Variants in REPS2 observed in about 807,000 individuals in gnomAD.
REPS2 encodes ralBP1-associated Eps domain-containing protein 2.
Under a neutral mutation model 53.6 loss-of-function variants are expected in REPS2, and 23 were observed. The observed-to-expected ratio is 0.43, with a 90% confidence interval of 0.31 to 0.61. The LOEUF (loss-of-function observed/expected upper bound fraction) is 0.61, where lower values mean the gene tolerates loss of function less well. Among genes scored for constraint, REPS2 ranks in the 20% least tolerant of loss-of-function variants. The pLI, the probability that REPS2 is intolerant of heterozygous loss-of-function variation, is 0.11. For synonymous variants in REPS2, 238 were observed against 218.6 expected (o/e 1.09, Z -0.78); for missense variants, 446 against 534.9 (o/e 0.83, Z 1.64).
chrX:16,969,508 C>A lies in REPS2; in HGVS notation c.273+22374C>A, dbSNP rs12157042. 8.1e-3 allele frequency among the ~76,000 whole-genome samples: 848 copies of A among 104,912 alleles called. 19 individuals are homozygous for A. Among genetic ancestry groups the A allele is most frequent in the Middle Eastern group, 0.014 (3 of 207 alleles). The allele number at this position is 104,912 out of a possible 115,157, so 91.1% of individuals were successfully genotyped here. ...GGAGGCCGAGGCTGGCGGATCACTCCCGGTTAGGAGCTGGAGACCAGCCCG... is the reference window on the plus strand; with the variant it reads ...GGAGGCCGAGGCTGGCGGATCACTCACGGTTAGGAGCTGGAGACCAGCCCG... On this transcript the variant is annotated intron_variant, in intron 1 of 17. Coordinates refer to ENST00000357277, the MANE Select transcript of REPS2 (RefSeq NM_004726.3).
At chrX:17,021,634 C>A (rs1417869500) in intron 2 of REPS2, among the ~76,000 whole-genome samples, 1 of 112,570 alleles carries the variant, frequency 8.9e-6, no homozygotes, top group Admixed American at 9.4e-5. Flanking sequence ...ATCCTGGGGA[C>A]ATTACTTAGC....
At chrX:16,960,394 T>C (rs1252017309) in intron 1 of REPS2, among the ~76,000 whole-genome samples, 2 of 111,255 alleles carry the variant, frequency 1.8e-5, no homozygotes, top group Admixed American at 1.9e-4. Flanking sequence ...GAAAAACCCA[T>C]GATCATTTCA....
At chrX:17,057,642 G>A (rs185807424) in intron 8 of REPS2, among the ~76,000 whole-genome samples, 3 of 112,753 alleles carry the variant, frequency 2.7e-5, no homozygotes, top group African/African-American at 9.6e-5. Flanking sequence ...TGCAATTGAG[G>A]AGCATGGGAA....
At chrX:17,006,960 G>C (rs1699471290) in intron 2 of REPS2, among the ~76,000 whole-genome samples, 1 of 112,319 alleles carries the variant, frequency 8.9e-6, no homozygotes, top group Non-Finnish European at 1.9e-5. Flanking sequence ...ACTATTAGCA[G>C]TATTTCTGCT....
the REPS2 span, among the ~76,000 whole-genome samples, chrX:17,159,205 C>A: frequency 8.9e-6 from 1 of 111,784 alleles, no homozygotes; most frequent in Non-Finnish European, 1.9e-5. Context: ...CCAGATGATA[C>A]TTTAGAGACC....
rs111737632 is a variant in REPS2, at chrX:17,010,245, G to A, written c.397+3901G>A. Among the ~76,000 whole-genome samples, 585 of 112,509 alleles carry A rather than the reference G, an allele frequency of 5.2e-3. 3 individuals carry two copies. The highest frequency in any genetic ancestry group is 0.018 in the Middle Eastern group (4 of 218). On this transcript the variant is annotated intron_variant, in intron 2 of 17. Transcript: ENST00000357277. The stretch of plus-strand genomic sequence containing the variant: ...TAAATTAGGTATAAAGCTAATTAAC[G>A]CCCTACGGGGTAATACAAGTGCAGC...
chrX:17,192,629 T>TAACA, the REPS2 span, among the ~76,000 whole-genome samples: 20 of 111,913 alleles, frequency 1.8e-4, no homozygotes, highest in Non-Finnish European at 3.2e-4. Flanking sequence ...ATTTTTGGTC[T>TAACA]AACATTTAGT....
At chrX:17,086,321 G>A (rs1317340667) in intron 13 of REPS2, among the ~76,000 whole-genome samples, 2 of 112,207 alleles carry the variant, frequency 1.8e-5, no homozygotes, top group African/African-American at 6.5e-5. Flanking sequence ...TTTTTGTGGT[G>A]TTTGATTGAT....
intron 8 of REPS2, among the ~76,000 whole-genome samples, chrX:17,056,006 A>T (rs1460307198): frequency 9.0e-6 from 1 of 111,040 alleles, no homozygotes; most frequent in Admixed American, 9.6e-5. Context: ...TAAAAAATAA[A>T]AAAACAAACA....
chrX:17,139,806 C>G (rs1167661801), intron 17 of REPS2, among the ~76,000 whole-genome samples: 12 of 111,032 alleles, frequency 1.1e-4, no homozygotes, highest in Non-Finnish European at 2.1e-4. Flanking sequence ...GTGTCTGTGT[C>G]CAAATTTCTC....
chrX:17,078,362 A>C (rs1397638071), intron 13 of REPS2, among the ~76,000 whole-genome samples: 2 of 112,511 alleles, frequency 1.8e-5, no homozygotes, highest in Non-Finnish European at 3.7e-5. Context: ...GTCTGGGCAG[A>C]GCTCAGCATG....
chrX:16,958,014 C>T (rs898342173), intron 1 of REPS2, among the ~76,000 whole-genome samples: 1 of 112,199 alleles, frequency 8.9e-6, no homozygotes, highest in African/African-American at 3.2e-5. Flanking sequence ...TGTTCACTAT[C>T]ATCCCCATTT....
rs747143943 is a variant in REPS2, at chrX:17,133,947, G to A, written c.1662+40G>A. ...AGGATGCTGTCAGATGGCGTTGCGA[G>A]TCCCACCCCGGGCTTCTTATCTCTA... On this transcript the variant is annotated intron_variant, in intron 15 of 17. Coordinates refer to ENST00000357277, the MANE Select transcript of REPS2 (RefSeq NM_004726.3). 3.9e-6 allele frequency: 4 copies of A among 1,014,485 alleles called. No individual in the cohort carries two copies. The East Asian group carries it at 9.1e-5, about 23-fold the overall frequency. 83.6% of individuals were successfully genotyped at this position (1,014,485 alleles called of 1,213,427 possible).
intron 14 of REPS2, among the ~76,000 whole-genome samples, chrX:17,126,754 G>A (rs1244457435): frequency 3.6e-5 from 4 of 111,527 alleles, no homozygotes; most frequent in African/African-American, 1.3e-4. Context: ...GAACACAGTT[G>A]TGCCCATTCA....
intron 13 of REPS2, among the ~76,000 whole-genome samples, chrX:17,096,143 G>A (rs1156783370): frequency 7.2e-4 from 81 of 111,905 alleles, no homozygotes; most frequent in South Asian, 1.9e-3. Context: ...TTAGTTTAAA[G>A]TGGTCCCAGG....
intron 1 of REPS2, among the ~76,000 whole-genome samples, chrX:16,999,403 T>A (rs1274575206): frequency 3.9e-5 from 4 of 101,858 alleles, no homozygotes; most frequent in Non-Finnish European, 2.0e-5. Flanking sequence ...GCACAGAGTC[T>A]TTTCCTTTTT....
intron 1 of REPS2, among the ~76,000 whole-genome samples, chrX:16,964,616 G>A (rs1181752376): frequency 9.2e-6 from 1 of 109,088 alleles, no homozygotes; most frequent in Non-Finnish European, 1.9e-5. Context: ...CCGGGCAGAG[G>A]CGCCCCTCAC....
At chrX:17,118,089 A>G (rs1235929716) in intron 14 of REPS2, among the ~76,000 whole-genome samples, 2 of 97,493 alleles carry the variant, frequency 2.1e-5, no homozygotes, top group Admixed American at 1.1e-4. Flanking sequence ...CCTCCCAAGT[A>G]GCTGGGACTA....
At chrX:17,127,118 G>A (rs2063222116) in intron 14 of REPS2, among the ~76,000 whole-genome samples, 1 of 111,545 alleles carries the variant, frequency 9.0e-6, no homozygotes, top group African/African-American at 3.3e-5. Flanking sequence ...ATCTTTTCTT[G>A]CACTCACAAC....
Sources: gnomAD v4.1 joint callset for allele counts (sites outside exome capture counted in the v4.1 genomes callset) on GRCh38, gnomAD v4.1.1 for gene constraint, MANE v1.5 for transcripts, NCBI Gene and HGNC (gene_info 2026-07-23, HGNC 2026-07-21) for gene names.